Variants in KLHL29 observed in about 807,000 individuals in gnomAD.
KLHL29 encodes kelch like family member 29.
KLHL29 carries 21 observed loss-of-function variants against 80.4 expected under a neutral mutation model. That is an observed-to-expected ratio of 0.26 (90% CI 0.19 to 0.38). The LOEUF (loss-of-function observed/expected upper bound fraction) is 0.38. KLHL29 is among the 10% of genes least tolerant of loss of function. The pLI, the probability that KLHL29 is intolerant of heterozygous loss-of-function variation, is 1.00. For missense variants in KLHL29, 867 were observed against 1,223.9 expected (o/e 0.71, Z 4.35); for synonymous variants, 511 against 526.8 (o/e 0.97, Z 0.41).
intron 3 of KLHL29, among the ~76,000 whole-genome samples, chr2:23,589,773 C>T (rs1668210292): frequency 1.3e-5 from 2 of 152,348 alleles, no homozygotes; most frequent in Non-Finnish European, 1.5e-5. Flanking sequence ...CTAAATCCAG[C>T]ACTCTGGTTA....
chr2:23,453,573 G>C (rs1663950972), intron 1 of KLHL29, among the ~76,000 whole-genome samples: 1 of 152,214 alleles, frequency 6.6e-6, no homozygotes, highest in South Asian at 2.1e-4. Flanking sequence ...GCCCCTGCTG[G>C]GTTCTGGCAG....
intron 1 of KLHL29, among the ~76,000 whole-genome samples, chr2:23,462,649 G>A (rs748794052): frequency 1.6e-4 from 25 of 152,174 alleles, no homozygotes; most frequent in Non-Finnish European, 2.8e-4. Context: ...ACAGGATAAG[G>A]ACTGCCCATC....
chr2:23,497,129 G>GTGC (rs1572357436), intron 2 of KLHL29, among the ~76,000 whole-genome samples: 1 of 152,086 alleles, frequency 6.6e-6, no homozygotes, highest in East Asian at 1.9e-4. Flanking sequence ...TTACCAGGCA[G>GTGC]TGCTGTTTCT....
chr2:23,563,511 G>A (rs1406887391), intron 3 of KLHL29, among the ~76,000 whole-genome samples: 3 of 152,244 alleles, frequency 2.0e-5, no homozygotes, highest in Admixed American at 2.0e-4. Flanking sequence ...ATGAGTGTAT[G>A]TGTGTGCACA....
intron 3 of KLHL29, among the ~76,000 whole-genome samples, chr2:23,569,001 A>G (rs371067903): frequency 3.8e-4 from 58 of 152,282 alleles, no homozygotes; most frequent in Middle Eastern, 3.4e-3. Flanking sequence ...CAGACTGTCC[A>G]GTTGGCTCTC....
At chr2:23,629,384 T>TC (rs888248392) in intron 3 of KLHL29, among the ~76,000 whole-genome samples, 1 of 152,090 alleles carries the variant, frequency 6.6e-6, no homozygotes, top group South Asian at 2.1e-4. Flanking sequence ...TTTTTTTTTT[T>TC]CTAGGTGATC....
At chr2:23,547,312 A>AG (rs1667003005) in intron 2 of KLHL29, among the ~76,000 whole-genome samples, 1 of 152,182 alleles carries the variant, frequency 6.6e-6, no homozygotes. Context: ...GCTGGGGCAG[A>AG]GGGGAGAGGC....
chr2:23,420,943 C>T (rs188696223), intron 1 of KLHL29, among the ~76,000 whole-genome samples: 175 of 152,312 alleles, frequency 1.1e-3, no homozygotes, highest in African/African-American at 4.1e-3. Context: ...CCTCCTCCTC[C>T]TTTATCAGTC....
intron 1 of KLHL29, among the ~76,000 whole-genome samples, chr2:23,387,531 A>G (rs942166966): frequency 3.3e-5 from 5 of 149,466 alleles, no homozygotes; most frequent in African/African-American, 4.9e-5. Context: ...TATTATTATT[A>G]TTATTATTAT....
chr2:23,694,618 G>C (rs1277903003), intron 8 of KLHL29, among the ~76,000 whole-genome samples: 1 of 152,118 alleles, frequency 6.6e-6, no homozygotes, highest in Non-Finnish European at 1.5e-5. Context: ...ACTTCTCCCT[G>C]TCTCCCTAAA....
intron 3 of KLHL29, among the ~76,000 whole-genome samples, chr2:23,620,838 A>G (rs904052427): frequency 1.3e-5 from 2 of 152,224 alleles, no homozygotes; most frequent in Admixed American, 1.3e-4. Context: ...AAGCCCGCAG[A>G]GCCGGGTGTA....
chr2:23,665,982 T>C (rs978953079), intron 5 of KLHL29, among the ~76,000 whole-genome samples: 5 of 152,250 alleles, frequency 3.3e-5, no homozygotes, highest in African/African-American at 1.2e-4. Flanking sequence ...CTGTCCATTC[T>C]TGCCCTCTTA....
At chr2:23,655,125 C>T (rs1255366436) in intron 5 of KLHL29, among the ~76,000 whole-genome samples, 1 of 152,158 alleles carries the variant, frequency 6.6e-6, no homozygotes, top group African/African-American at 2.4e-5. Context: ...ATGGAATTCC[C>T]AAAGTAACAC....
intron 3 of KLHL29, among the ~76,000 whole-genome samples, chr2:23,566,558 G>A (rs1667594241): frequency 6.6e-6 from 1 of 152,206 alleles, no homozygotes; most frequent in Non-Finnish European, 1.5e-5. Context: ...CAGAAAGTGG[G>A]CACATTTACC....
At chr2:23,396,715 G>A (rs1288054279) in intron 1 of KLHL29, among the ~76,000 whole-genome samples, 3 of 152,146 alleles carry the variant, frequency 2.0e-5, no homozygotes, top group Non-Finnish European at 4.4e-5. Flanking sequence ...TACAGACTGC[G>A]AAAGGAACAT....
intron 3 of KLHL29, among the ~76,000 whole-genome samples, chr2:23,569,143 C>T (rs555194565): frequency 2.6e-5 from 4 of 152,336 alleles, no homozygotes; most frequent in African/African-American, 9.6e-5. Context: ...CATATGCTAA[C>T]CTACTGATTT....
intron 1 of KLHL29, among the ~76,000 whole-genome samples, chr2:23,474,195 T>G (rs1171559504): frequency 6.6e-6 from 1 of 152,234 alleles, no homozygotes. Flanking sequence ...CTTTCTCTTT[T>G]GTTCACTCAT....
chr2:23,414,930 T>C (rs762807283), intron 1 of KLHL29, among the ~76,000 whole-genome samples: 3 of 152,228 alleles, frequency 2.0e-5, no homozygotes, highest in Non-Finnish European at 4.4e-5. Flanking sequence ...AGAAAAGGAA[T>C]TTATTAAAAG....
chr2:23,478,750 T>C (rs910739657), intron 2 of KLHL29, among the ~76,000 whole-genome samples: 5 of 152,140 alleles, frequency 3.3e-5, no homozygotes, highest in Admixed American at 6.5e-5. Context: ...GCCTCCATCA[T>C]TGAGGCCGTC....
Sources: gnomAD v4.1 joint callset for allele counts (sites outside exome capture counted in the v4.1 genomes callset) on GRCh38, gnomAD v4.1.1 for gene constraint, MANE v1.5 for transcripts, NCBI Gene and HGNC (gene_info 2026-07-23, HGNC 2026-07-21) for gene names.